Variants in TMOD2 observed in about 807,000 individuals in gnomAD.
The protein encoded by TMOD2 is tropomodulin-2.
A neutral mutation model predicts 39.9 loss-of-function variants in TMOD2; 22 were observed. That is an observed-to-expected ratio of 0.55 (90% CI 0.39 to 0.79). The LOEUF (loss-of-function observed/expected upper bound fraction) is 0.79, where lower values mean the gene tolerates loss of function less well. TMOD2 is among the 30% of genes least tolerant of loss of function. The pLI, the probability that TMOD2 is intolerant of heterozygous loss-of-function variation, is 0.00. For missense variants in TMOD2, 386 were observed against 413.3 expected, an observed-to-expected ratio of 0.93 and a Z score of 0.57; for synonymous variants, 123 against 146.1, an observed-to-expected ratio of 0.84 and a Z score of 1.14.
rs1021941399 is a variant in TMOD2, at chr15:51,809,709, G to A, written c.*1255G>A. 5 of 152,104 alleles carry A rather than the reference G, an allele frequency of 3.3e-5. No homozygotes were observed. Among genetic ancestry groups the A allele is most frequent in the Non-Finnish European group, 7.4e-5 (5 of 68,022 alleles). 9.4% of individuals were successfully genotyped at this position (152,104 alleles called of 1,614,324 possible). The stretch of plus-strand genomic sequence containing the variant: ...TGGTGACATTCTGACACTGCCCAAG[G>A]CAACTCACCCTCTATTCCTCCTTTC... On this transcript the variant is annotated 3_prime_UTR_variant, in exon 10 of 10. Coordinates refer to ENST00000249700, the MANE Select transcript of TMOD2 (RefSeq NM_014548.4).
chr15:51,764,190 A>G (rs2055800640), intron 1 of TMOD2, among the ~76,000 whole-genome samples: 1 of 152,122 alleles, frequency 6.6e-6, no homozygotes, highest in African/African-American at 2.4e-5. Flanking sequence ...CGTGTTGCAC[A>G]CTTGTAATCC....
chr15:51,772,834 T>C (rs2055862462), intron 3 of TMOD2, among the ~76,000 whole-genome samples: 1 of 152,154 alleles, frequency 6.6e-6, no homozygotes, highest in South Asian at 2.1e-4. Flanking sequence ...CACCAGTTTG[T>C]TACTCAGGAA....
At chr15:51,775,937 C>G (rs755341047) in intron 4 of TMOD2, among the ~76,000 whole-genome samples, 10 of 152,140 alleles carry the variant, frequency 6.6e-5, no homozygotes, top group Admixed American at 1.3e-4. Flanking sequence ...TAGTGCCTGA[C>G]ACATAGAAAG....
chr15:51,789,995 GAAAT>G (rs1474716233), intron 7 of TMOD2, among the ~76,000 whole-genome samples: 1 of 152,018 alleles, frequency 6.6e-6, no homozygotes, highest in Non-Finnish European at 1.5e-5. Context: ...CAGAAAACAA[GAAAT>G]AACTAAGATC....
At chr15:51,789,289 C>A (rs566439038) in intron 7 of TMOD2, among the ~76,000 whole-genome samples, 22 of 152,164 alleles carry the variant, frequency 1.4e-4, no homozygotes, top group Admixed American at 4.6e-4. Context: ...GTAAAGGGAT[C>A]AATTCAACAA....
At chr15:51,805,671 T>C (rs1464814654) in intron 8 of TMOD2, among the ~76,000 whole-genome samples, 2 of 152,214 alleles carry the variant, frequency 1.3e-5, no homozygotes, top group African/African-American at 4.8e-5. Context: ...AAAGGATAAA[T>C]GCTTGAAGTG....
At chr15:51,777,039 T>TG in intron 5 of TMOD2, 21 bp downstream of exon 5, 1 of 1,610,190 alleles carries the variant, frequency 6.2e-7, no homozygotes, top group Non-Finnish European at 8.5e-7. Flanking sequence ...GTGCAATCTG[T>TG]GGTTTTGTAA....
intron 1 of TMOD2, among the ~76,000 whole-genome samples, chr15:51,766,072 T>C (rs1268210453): frequency 6.6e-6 from 1 of 152,222 alleles, no homozygotes; most frequent in Admixed American, 6.5e-5. Context: ...GCATCCCAGC[T>C]CTGTGACCTC....
At chr15:51,795,558 C>T (rs2056042791) in intron 7 of TMOD2, among the ~76,000 whole-genome samples, 1 of 147,502 alleles carries the variant, frequency 6.8e-6, no homozygotes, top group African/African-American at 2.5e-5. Flanking sequence ...ATAACTTCTT[C>T]TCTTCTGCTT....
rs560809746 is a variant in TMOD2, at chr15:51,752,086, C to T, written c.-70+374C>T. Among the ~76,000 whole-genome samples the T allele has an allele frequency of 1.1e-4, 16 of 152,158 alleles. No individual in the cohort carries two copies. In the South Asian group the frequency reaches 3.1e-3, roughly 30 times the overall value. On this transcript the variant is annotated intron_variant, in intron 1 of 9. Coordinates refer to ENST00000249700, the MANE Select transcript of TMOD2 (RefSeq NM_014548.4). ...CGGGCTTTGTTCCCCCACTTTTCCC[C>T]TTCCTGTGCATGTTTGGTGAGCTCC...
intron 1 of TMOD2, among the ~76,000 whole-genome samples, chr15:51,755,132 G>A (rs1567233384): frequency 1.3e-5 from 2 of 152,058 alleles, no homozygotes; most frequent in African/African-American, 2.4e-5. Flanking sequence ...TGTATACTAT[G>A]AACCATTTTT....
Position 51,765,160 on chromosome 15 carries a change from C to T in TMOD2, c.-69-1213C>T, listed in dbSNP as rs143756271. Among the ~76,000 whole-genome samples the T allele has an allele frequency of 6.4e-3, 980 of 152,192 alleles. 10 individuals are homozygous for T. Among genetic ancestry groups the T allele is most frequent in the Middle Eastern group, 0.014 (4 of 294 alleles). ...GGACTACAGGCACATGCCACCACACCCAGCTAATTTTTGTATTTTTAGTAG... is the reference window on the plus strand; with the variant it reads ...GGACTACAGGCACATGCCACCACACTCAGCTAATTTTTGTATTTTTAGTAG... On this transcript the variant is annotated intron_variant, in intron 1 of 9. Coordinates refer to ENST00000249700, the MANE Select transcript of TMOD2 (RefSeq NM_014548.4).
At chr15:51,778,434 T>G (rs1181908113) in intron 5 of TMOD2, among the ~76,000 whole-genome samples, 1 of 149,666 alleles carries the variant, frequency 6.7e-6, no homozygotes, top group Non-Finnish European at 1.5e-5. Flanking sequence ...CATGTATACA[T>G]ATGTAACTAA....
At chr15:51,767,936 G>A (rs2055826868) in intron 2 of TMOD2, among the ~76,000 whole-genome samples, 1 of 152,230 alleles carries the variant, frequency 6.6e-6, no homozygotes, top group African/African-American at 2.4e-5. Flanking sequence ...AGCACCTTGG[G>A]TGCAGCCCTA....
At chr15:51,770,256 G>A (rs1422827979) in intron 3 of TMOD2, among the ~76,000 whole-genome samples, 2 of 152,110 alleles carry the variant, frequency 1.3e-5, no homozygotes, top group Admixed American at 1.3e-4. Context: ...TCTGACGCAT[G>A]TCCCCATTTT....
chr15:51,808,392 T>C (rs1265785254), intron 9 of TMOD2, 28 bp from the exon 10 acceptor site: 1 of 1,601,616 alleles, frequency 6.2e-7, no homozygotes, highest in Admixed American at 1.7e-5. Flanking sequence ...CTTCAATTTG[T>C]CTTTTTGTTC....
chr15:51,816,270 A>G lies in TMOD2; in HGVS notation c.*7816A>G, dbSNP rs2056187748. 2 of 152,198 alleles carry G rather than the reference A, an allele frequency of 1.3e-5. No homozygotes were observed. Among genetic ancestry groups the G allele is most frequent in the African/African-American group, 4.8e-5 (2 of 41,446 alleles). 9.4% of individuals were successfully genotyped at this position (152,198 alleles called of 1,614,324 possible). Reference sequence around the variant, plus strand: ...ATTAATTAAGATCTTTCTGCTTTCGAAGGTATAATGTATCTATTTCTGTCA... The same window carrying G: ...ATTAATTAAGATCTTTCTGCTTTCGGAGGTATAATGTATCTATTTCTGTCA... On this transcript the variant is annotated 3_prime_UTR_variant, in exon 10 of 10. Transcript: ENST00000249700.
At chr15:51,755,977 A>G (rs7174497) in intron 1 of TMOD2, among the ~76,000 whole-genome samples, 61,384 of 151,808 alleles carry the variant, frequency 0.4, 12,563 homozygotes, top group Middle Eastern at 0.45. Context: ...GAGGAAGGAC[A>G]TGGTTAAAAG....
At chr15:51,795,742 C>T (rs778167809) in intron 7 of TMOD2, among the ~76,000 whole-genome samples, 129 of 151,814 alleles carry the variant, frequency 8.5e-4, no homozygotes, top group Middle Eastern at 3.4e-3. Context: ...TGCTGTATAT[C>T]CTTGGAAATA....
Sources: allele counts gnomAD v4.1 joint callset (sites outside exome capture counted in the v4.1 genomes callset), GRCh38; gene constraint gnomAD v4.1.1; transcripts MANE v1.5; gene names NCBI Gene and HGNC (gene_info 2026-07-23, HGNC 2026-07-21).